The following RAB3GAP1 variants were observed in gnomAD, a reference collection of about 807,000 sequenced individuals.
RAB3GAP1 encodes rab3 GTPase-activating protein catalytic subunit.
Under a neutral mutation model 130.7 loss-of-function variants are expected in RAB3GAP1, and 86 were observed. The observed-to-expected ratio is 0.66, with a 90% CI of 0.55 to 0.79. The LOEUF (loss-of-function observed/expected upper bound fraction) is 0.79. Among genes scored for constraint, RAB3GAP1 ranks in the 30% least tolerant of loss-of-function variants. The pLI, the probability that RAB3GAP1 is intolerant of heterozygous loss-of-function variation, is 0.00. For synonymous variants in RAB3GAP1, 367 were observed against 401.7 expected (o/e 0.91, Z 1.03); for missense variants, 1,029 against 1,169.4 (o/e 0.88, Z 1.75).
intron 19 of RAB3GAP1, among the ~76,000 whole-genome samples, chr2:135,154,887 C>T (rs1235789268): frequency 1.3e-5 from 2 of 152,128 alleles, no homozygotes; most frequent in Non-Finnish European, 2.9e-5. Context: ...CCCTCATCTC[C>T]CTCTATCCAT....
intron 3 of RAB3GAP1, among the ~76,000 whole-genome samples, chr2:135,084,998 G>A (rs544313993): frequency 9.2e-5 from 14 of 152,300 alleles, no homozygotes; most frequent in African/African-American, 3.4e-4. Context: ...GTAGAGAAGA[G>A]CAGTAGGAAT....
chr2:135,124,133 C>A, intron 8 of RAB3GAP1, 32 bp from the exon 9 acceptor site: 1 of 1,590,482 alleles, frequency 6.3e-7, no homozygotes, highest in Non-Finnish European at 8.6e-7. Context: ...TTATTTTTTC[C>A]CAAATGATGG....
At chr2:135,069,131 C>G (rs952951959) in intron 3 of RAB3GAP1, among the ~76,000 whole-genome samples, 2 of 152,152 alleles carry the variant, frequency 1.3e-5, no homozygotes, top group Non-Finnish European at 2.9e-5. Flanking sequence ...TTATTACATA[C>G]ACAACACATT....
Position 135,124,167 on chromosome 2 carries a change from A to G in RAB3GAP1, c.751A>G (p.Ile251Val), listed in dbSNP as rs769871341. 1.2e-6 allele frequency: 2 copies of G among 1,613,766 alleles called. No homozygotes were observed. Among genetic ancestry groups the G allele is most frequent in the Non-Finnish European group, 1.7e-6 (2 of 1,179,654 alleles). ...GGAAAAATATTTCTTTTGTTTAGAC[A>G]TAGATGCCCTTGTAGGAGGAGAAGT... ...QYFWPQQPPD[I>V]DALVGGEVGG... The change falls in exon 9 of 24, where the codon ATA becomes GTA. Residue 251 changes from isoleucine (I) to valine (V), a missense_variant and splice_region_variant. Physicochemically the swap from Ile to Val is conservative, Grantham distance 29 (BLOSUM62 3). Around this residue, in one of 3 missense-constraint regions of RAB3GAP1, gnomAD observed 510 missense variants for 532.1 expected, o/e 0.96. Transcript: ENST00000264158.
At chr2:135,116,967 A>G (rs1412004639) in intron 7 of RAB3GAP1, among the ~76,000 whole-genome samples, 1 of 152,230 alleles carries the variant, frequency 6.6e-6, no homozygotes, top group Non-Finnish European at 1.5e-5. Flanking sequence ...TAATCATAAA[A>G]ATATGTTTTT....
At chr2:135,112,355 G>A (rs1421523348) in intron 5 of RAB3GAP1, among the ~76,000 whole-genome samples, 2 of 152,178 alleles carry the variant, frequency 1.3e-5, no homozygotes, top group Non-Finnish European at 2.9e-5. Flanking sequence ...GGGTTCAAAG[G>A]CAAATACACT....
chr2:135,152,347 G>A (rs1318078113), intron 18 of RAB3GAP1, among the ~76,000 whole-genome samples: 1 of 152,222 alleles, frequency 6.6e-6, no homozygotes, highest in African/African-American at 2.4e-5. Flanking sequence ...CCTTCTCTTG[G>A]TAGCTATGTT....
chr2:135,125,428 G>A (rs1245437790), intron 9 of RAB3GAP1, among the ~76,000 whole-genome samples: 1 of 152,066 alleles, frequency 6.6e-6, no homozygotes, highest in Non-Finnish European at 1.5e-5. Flanking sequence ...TTATAAATTT[G>A]GCACAGTAAG....
chr2:135,153,876 G>GGT lies in RAB3GAP1; in HGVS notation c.2289+1_2289+2dup. 1 of 1,612,480 alleles carries GGT rather than the reference G, an allele frequency of 6.2e-7. No individual in the cohort carries two copies. Among genetic ancestry groups the GGT allele is most frequent in the Non-Finnish European group, 8.5e-7 (1 of 1,178,686 alleles). On this transcript the variant is annotated frameshift_variant and splice_region_variant. Coordinates refer to ENST00000264158, the MANE Select transcript of RAB3GAP1 (RefSeq NM_012233.3). LOFTEE classifies it high-confidence loss of function. Reference sequence around the variant, plus strand: ...TTGATGATACACGGGAAGCAGAAAAGGTAATTGAGGTTTGAGTCTCTAATA... The same window carrying GGT: ...TTGATGATACACGGGAAGCAGAAAAGGTGTAATTGAGGTTTGAGTCTCTAATA...
chr2:135,097,216 C>CT (rs11396739), intron 5 of RAB3GAP1, among the ~76,000 whole-genome samples: 32,836 of 139,826 alleles, frequency 0.23, 5,230 homozygotes, highest in African/African-American at 0.43. Flanking sequence ...GTCCTTCCCA[C>CT]TTTTTTTTTT....
rs989074052 is a variant in RAB3GAP1 at position 135,135,560 on chromosome 2, T to G, written c.1555-4T>G. The G allele has an allele frequency of 6.3e-7, 1 of 1,592,858 alleles. No homozygotes were observed. The highest frequency in any genetic ancestry group is 8.6e-7 in the Non-Finnish European group (1 of 1,166,688). ...ACTATAAATGTTATTTCTCTTTTCT[T>G]AAGATGTTAAATTGTTGTATTGAAA... On this transcript the variant is annotated splice_polypyrimidine_tract_variant and splice_region_variant and intron_variant, in intron 16 of 23. Transcript: ENST00000264158.
intron 9 of RAB3GAP1, 146 bp from the exon 10 acceptor site, chr2:135,126,035 T>G (rs1691337723): frequency 1.5e-6 from 1 of 646,988 alleles, no homozygotes; most frequent in Non-Finnish European, 2.7e-6. Flanking sequence ...GTGCTACCAT[T>G]TGCTAAATAA....
chr2:135,104,963 C>T (rs1451370014), intron 5 of RAB3GAP1, among the ~76,000 whole-genome samples: 1 of 152,048 alleles, frequency 6.6e-6, no homozygotes, highest in Non-Finnish European at 1.5e-5. Flanking sequence ...ACTTTCTTCA[C>T]ATGGGCTCAA....
chr2:135,093,448 GA>G (rs1206947702), intron 4 of RAB3GAP1, among the ~76,000 whole-genome samples, 166 bp from the exon 5 acceptor site: 1 of 152,122 alleles, frequency 6.6e-6, no homozygotes, highest in African/African-American at 2.4e-5. Flanking sequence ...AAAAAAAAAT[GA>G]GAGAGAAATC....
intron 4 of RAB3GAP1, 118 bp from the exon 5 acceptor site, chr2:135,093,497 T>C (rs773256285): frequency 2.9e-5 from 22 of 758,124 alleles, no homozygotes; most frequent in African/African-American, 6.9e-5. Context: ...TAGATATGAA[T>C]CTTAAAGCAA....
intron 23 of RAB3GAP1, chr2:135,167,712 A>C: frequency 6.7e-7 from 1 of 1,490,408 alleles, no homozygotes; most frequent in Non-Finnish European, 9.0e-7. Flanking sequence ...TCTTCTGATG[A>C]GGTAACAAAA....
At chr2:135,078,288 G>A (rs908407952) in intron 3 of RAB3GAP1, among the ~76,000 whole-genome samples, 5 of 151,996 alleles carry the variant, frequency 3.3e-5, no homozygotes, top group African/African-American at 1.2e-4. Flanking sequence ...TATGTAGAAA[G>A]GGTCTCTTGA....
In RAB3GAP1 at chr2:135,108,704, C is replaced by T. The variant is rs569545904; in HGVS notation, c.363-4447C>T. ...AATTTTTAATTTTAATGAAGTCTAG[C>T]GTATCAGTTTGTTCTTTTCTGGATT... On this transcript the variant is annotated intron_variant, in intron 5 of 23. Coordinates refer to ENST00000264158, the MANE Select transcript of RAB3GAP1 (RefSeq NM_012233.3). Among the ~76,000 whole-genome samples, 9 of 152,092 alleles carry T rather than the reference C, an allele frequency of 5.9e-5. No individual in the cohort carries two copies. The South Asian group carries it at 1.5e-3, about 25-fold the overall frequency.
chr2:135,124,952 C>G (rs915472901), intron 9 of RAB3GAP1, among the ~76,000 whole-genome samples: 1 of 152,138 alleles, frequency 6.6e-6, no homozygotes, highest in African/African-American at 2.4e-5. Flanking sequence ...TAACATTTTT[C>G]AAACTTGAGA....
Sources: gnomAD v4.1 joint callset for allele counts (sites outside exome capture counted in the v4.1 genomes callset) on GRCh38, gnomAD v4.1.1 for gene constraint, gnomAD v4.1.1 regional missense constraint, MANE v1.5 for transcripts, NCBI Gene and HGNC (gene_info 2026-07-23, HGNC 2026-07-21) for gene names.